SLC35B4: variants seen among roughly 807,000 people sequenced by gnomAD.
SLC35B4 encodes the protein solute carrier family 35 member B4.
SLC35B4 carries 28 observed loss-of-function variants against 39.5 expected under a neutral mutation model. The ratio of observed to expected loss-of-function variants is 0.71; its 90% CI spans 0.53 to 0.97. The LOEUF (loss-of-function observed/expected upper bound fraction) is 0.97. Among genes scored for constraint, SLC35B4 ranks in the 50% least tolerant of loss-of-function variants. The pLI is 0.00. For synonymous variants in SLC35B4, 145 were observed against 150.4 expected (o/e 0.96, Z 0.26); for missense variants, 334 against 414.3 (o/e 0.81, Z 1.68).
Position 134,295,052 on chromosome 7 carries a change from G to A in SLC35B4, c.777C>T (p.Ile259=), listed in dbSNP as rs1335644024. 1.9e-6 allele frequency: 3 copies of A among 1,614,170 alleles called. No individual in the cohort carries two copies. Among genetic ancestry groups the A allele is most frequent in the Non-Finnish European group, 2.5e-6 (3 of 1,180,038 alleles). The part of the protein sequence containing the change: ...TQYVCIRGVF[I]LTTECASLTV... ...TGAGGGAGGCGCATTCTGTGGTGAG[G>A]ATAAACACACCCCGGATGCACACGT... The change falls in exon 10 of 10, where the codon ATC becomes ATT. Residue 259 remains isoleucine, a synonymous_variant. Transcript: ENST00000378509.
In SLC35B4 at chr7:134,301,742, T is replaced by C; in HGVS notation, c.487+19A>G. 6.2e-7 allele frequency: 1 copy of C among 1,609,846 alleles called. No homozygotes were observed. Among genetic ancestry groups the C allele is most frequent in the Non-Finnish European group, 8.5e-7 (1 of 1,176,414 alleles). On this transcript the variant is annotated intron_variant, in intron 6 of 9. Transcript: ENST00000378509. Reference sequence around the variant, plus strand: ...ACAACTGCAGAGGCAATTAGCTTTATTATAATTATTGTACTTGCCTAGTAA... The same window carrying C: ...ACAACTGCAGAGGCAATTAGCTTTACTATAATTATTGTACTTGCCTAGTAA...
intron 4 of SLC35B4, among the ~76,000 whole-genome samples, chr7:134,302,947 G>A (rs1462850679): frequency 1.3e-5 from 2 of 152,116 alleles, no homozygotes; most frequent in African/African-American, 2.4e-5. Context: ...AGGTACGAGC[G>A]GAGGTACGGT....
At chr7:134,309,674 C>G (rs1273053291) in intron 1 of SLC35B4, among the ~76,000 whole-genome samples, 195 bp from the exon 2 acceptor site, 1 of 152,212 alleles carries the variant, frequency 6.6e-6, no homozygotes, top group African/African-American at 2.4e-5. Context: ...GTCAAGCTTT[C>G]TTATTTAACT....
intron 6 of SLC35B4, among the ~76,000 whole-genome samples, chr7:134,301,028 T>C (rs1803568500): frequency 6.6e-6 from 1 of 152,170 alleles, no homozygotes; most frequent in African/African-American, 2.4e-5. Flanking sequence ...CCTTTGCAAA[T>C]TTTTCTTCTG....
In SLC35B4 at chr7:134,294,573, C is replaced by T. The variant is rs990865765; in HGVS notation, c.*260G>A. On this transcript the variant is annotated 3_prime_UTR_variant, in exon 10 of 10. Coordinates refer to ENST00000378509, the MANE Select transcript of SLC35B4 (RefSeq NM_032826.5). The stretch of plus-strand genomic sequence containing the variant: ...AAAACAAGAATAATACTGAATATGT[C>T]GGTAAACAAAACAGAAATAAATGAA... 4.4e-5 allele frequency: 17 copies of T among 388,758 alleles called. No individual in the cohort carries two copies. Among genetic ancestry groups the T allele is most frequent in the African/African-American group, 1.0e-4 (5 of 49,876 alleles). 24.1% of individuals were successfully genotyped at this position (388,758 alleles called of 1,614,324 possible).
intron 9 of SLC35B4, among the ~76,000 whole-genome samples, chr7:134,295,456 C>T (rs1803442182): frequency 6.6e-6 from 1 of 152,126 alleles, no homozygotes; most frequent in Admixed American, 6.5e-5. Flanking sequence ...TCTGGCAAAT[C>T]TAGGAGCTGA....
chr7:134,317,014 G>A, upstream of SLC35B4: 2 of 501,344 alleles, frequency 4.0e-6, no homozygotes, highest in South Asian at 5.0e-5. Context: ...CCAGGATGCC[G>A]TGCACCTTTA....
chr7:134,308,103 A>G (rs113984238), intron 2 of SLC35B4, among the ~76,000 whole-genome samples: 7 of 152,228 alleles, frequency 4.6e-5, no homozygotes, highest in African/African-American at 1.7e-4. Context: ...AAAATGGCCA[A>G]CACACATAGG....
intron 1 of SLC35B4, among the ~76,000 whole-genome samples, chr7:134,314,395 G>T (rs911431401): frequency 1.3e-5 from 2 of 152,190 alleles, no homozygotes; most frequent in Non-Finnish European, 2.9e-5. Context: ...AACTAGTAAA[G>T]AGGGGATTCA....
upstream of SLC35B4, among the ~76,000 whole-genome samples, chr7:134,319,437 T>C (rs1804061263): frequency 6.6e-6 from 1 of 152,236 alleles, no homozygotes; most frequent in Non-Finnish European, 1.5e-5. Flanking sequence ...TTTTGACTTC[T>C]CTGACTTACG....
rs749438733 is a variant in SLC35B4, at chr7:134,300,176, G to T, written c.573C>A (p.His191Gln). ...CATTATAAAACAAAGCCTCCTTGGA[G>T]TGTTTCCCAAATCGTTTGTAGAGAG... ...QETLYKRFGK[H>Q]SKEALFYNHA... The change falls in exon 7 of 10, where the codon CAC becomes CAA. Residue 191 changes from histidine (H) to glutamine (Q), a missense_variant. By Grantham distance (24) the His-to-Gln change is conservative. Transcript: ENST00000378509. 2.5e-6 allele frequency: 4 copies of T among 1,612,160 alleles called. No individual in the cohort carries two copies. The highest frequency in any genetic ancestry group is 3.4e-5 in the Admixed American group (2 of 59,424).
chr7:134,318,798 T>A (rs1563221831), upstream of SLC35B4, among the ~76,000 whole-genome samples: 1 of 152,234 alleles, frequency 6.6e-6, no homozygotes, highest in Non-Finnish European at 1.5e-5. Context: ...AAAAATGGCC[T>A]GAGTACTGTA....
rs1336225131 is a variant in SLC35B4 at position 134,290,992 on chromosome 7, C to T, written c.*3841G>A. On this transcript the variant is annotated 3_prime_UTR_variant, in exon 10 of 10. Coordinates refer to ENST00000378509, the MANE Select transcript of SLC35B4 (RefSeq NM_032826.5). ...GAGCTAACTCATTGGTTTATTATTC[C>T]TGACCTAAGGTGTTTTACTTCCCCT... 6.6e-6 allele frequency: 1 copy of T among 152,172 alleles called. No homozygotes were observed. The highest frequency in any genetic ancestry group is 2.4e-5 in the African/African-American group (1 of 41,438). 9.4% of individuals were successfully genotyped at this position (152,172 alleles called of 1,614,324 possible).
chr7:134,299,477 G>T, intron 8 of SLC35B4, 46 bp downstream of exon 8: 1 of 1,469,890 alleles, frequency 6.8e-7, no homozygotes, highest in Non-Finnish European at 9.5e-7. Context: ...CTGAGACTCT[G>T]CCTCAGAAAC....
At position 134,304,828 on chromosome 7, in the gene SLC35B4, T is replaced by C. The variant is rs145896963; in HGVS notation, c.321A>G (p.Leu107=). Residue 107 remains leucine (L), a synonymous_variant, in exon 4 of 10, where the codon CTA becomes CTG. Coordinates refer to ENST00000378509, the MANE Select transcript of SLC35B4 (RefSeq NM_032826.5). ...ACCTTTTCTTCAAAATGATAATTCC[T>C]AGAATCATGTTGGCAATTAGAGAAC... is the stretch of plus-strand genomic sequence containing the variant. The part of the protein sequence containing the change: ...RSGSLIANMI[L]GIIILKKRYS... 5.3e-4 allele frequency: 861 copies of C among 1,612,368 alleles called. 13 individuals carry two copies. The Admixed American group carries it at 0.011, about 21-fold the overall frequency.
chr7:134,292,456 GT>G lies in SLC35B4; in HGVS notation c.*2376del, dbSNP rs2117267742. The G allele has an allele frequency of 6.6e-6, 1 of 152,200 alleles. No homozygotes were observed. Among genetic ancestry groups the G allele is most frequent in the East Asian group, 1.9e-4 (1 of 5,180 alleles). 9.4% of individuals were successfully genotyped at this position (152,200 alleles called of 1,614,324 possible). A position where few individuals can be genotyped will look rare whatever the true frequency, so the allele number is the denominator to read the frequency against. Reference sequence around the variant, plus strand: ...CCTCCTATTCATAAGACTGGCTGAGGTATTCACGCTGAGATGAATACACATG... The same window carrying G: ...CCTCCTATTCATAAGACTGGCTGAGGATTCACGCTGAGATGAATACACATG... On this transcript the variant is annotated 3_prime_UTR_variant, in exon 10 of 10. Coordinates refer to ENST00000378509, the MANE Select transcript of SLC35B4 (RefSeq NM_032826.5).
At chr7:134,301,108 GC>G (rs1489692570) in intron 6 of SLC35B4, among the ~76,000 whole-genome samples, 2 of 152,166 alleles carry the variant, frequency 1.3e-5, no homozygotes, top group African/African-American at 4.8e-5. Context: ...AAGTCTCAAA[GC>G]CAAGAAGCAA....
chr7:134,296,327 G>T, intron 9 of SLC35B4, 64 bp downstream of exon 9: 2 of 1,356,418 alleles, frequency 1.5e-6, no homozygotes, highest in South Asian at 2.4e-5. Context: ...AGAAAAGAAT[G>T]ACCATTCCTG....
chr7:134,296,571 T>C, intron 8 of SLC35B4, 105 bp from the exon 9 acceptor site: 1 of 743,274 alleles, frequency 1.3e-6, no homozygotes, highest in Non-Finnish European at 2.3e-6. Context: ...ACAGCAACAT[T>C]GTCTTCCTTG....
Sources: gnomAD v4.1 joint callset for allele counts (sites outside exome capture counted in the v4.1 genomes callset) on GRCh38, gnomAD v4.1.1 for gene constraint, MANE v1.5 for transcripts, NCBI Gene and HGNC (gene_info 2026-07-23, HGNC 2026-07-21) for gene names.